PARN: variants seen among roughly 807,000 people sequenced by gnomAD.
The protein encoded by PARN is poly(A)-specific ribonuclease PARN.
A neutral mutation model predicts 102.8 loss-of-function variants in PARN; 71 were observed. That is an observed-to-expected ratio of 0.69 (90% confidence interval 0.57 to 0.84). The LOEUF is 0.84. PARN is among the 40% of genes least tolerant of loss of function. The pLI, the probability that PARN is intolerant of heterozygous loss-of-function variation, is 0.00. For missense variants in PARN, 782 were observed against 760.9 expected (o/e 1.03, Z -0.33); for synonymous variants, 261 against 252.9 (o/e 1.03, Z -0.30).
chr16:14,511,234 G>C (rs745488566), intron 21 of PARN, among the ~76,000 whole-genome samples: 4 of 152,138 alleles, frequency 2.6e-5, no homozygotes, highest in Admixed American at 6.5e-5. Context: ...GTTGACACAG[G>C]GTGATGAGTC....
At chr16:14,626,904 G>A (rs1338355566) in intron 5 of PARN, among the ~76,000 whole-genome samples, 3 of 151,982 alleles carry the variant, frequency 2.0e-5, no homozygotes, top group Admixed American at 6.6e-5. Context: ...GGCATGAGCC[G>A]CCGTACCTGG....
chr16:14,464,781 G>T (rs963774563), intron 22 of PARN, among the ~76,000 whole-genome samples: 4 of 151,832 alleles, frequency 2.6e-5, no homozygotes, highest in Non-Finnish European at 5.9e-5. Flanking sequence ...AAAAAAAAAG[G>T]TGAAATAAAG....
intron 20 of PARN, among the ~76,000 whole-genome samples, chr16:14,552,670 C>T (rs975853745): frequency 5.3e-5 from 8 of 152,024 alleles, no homozygotes; most frequent in South Asian, 2.1e-4. Flanking sequence ...TGTTAGAGGC[C>T]GGGCGCGGTG....
At chr16:14,629,013 A>T (rs1972856042) in intron 2 of PARN, among the ~76,000 whole-genome samples, 1 of 152,248 alleles carries the variant, frequency 6.6e-6, no homozygotes, top group Admixed American at 6.5e-5. Context: ...TTTATCTGCA[A>T]AAACCTGACC....
chr16:14,471,504 G>A (rs577463608), intron 22 of PARN, among the ~76,000 whole-genome samples: 1 of 152,234 alleles, frequency 6.6e-6, no homozygotes, highest in South Asian at 2.1e-4. Context: ...CAAGTTGTCT[G>A]AATCCCTTTA....
At chr16:14,486,900 T>C (rs1329848941) in intron 21 of PARN, among the ~76,000 whole-genome samples, 2 of 152,272 alleles carry the variant, frequency 1.3e-5, no homozygotes, top group African/African-American at 4.8e-5. Flanking sequence ...TCTATCGGTC[T>C]TGCCACTTTG....
At chr16:14,508,227 G>T (rs1964996532) in intron 21 of PARN, among the ~76,000 whole-genome samples, 1 of 151,956 alleles carries the variant, frequency 6.6e-6, no homozygotes, top group East Asian at 1.9e-4. Context: ...TAGATACATA[G>T]ATAAGACAGA....
At chr16:14,573,025 AC>A (rs1968903384) in intron 18 of PARN, among the ~76,000 whole-genome samples, 1 of 151,744 alleles carries the variant, frequency 6.6e-6, no homozygotes, top group South Asian at 2.1e-4. Flanking sequence ...AGTAGCTGGG[AC>A]TACAGGCATG....
At position 14,595,594 on chromosome 16, in the gene PARN, A is replaced by G. The variant is rs928132078; in HGVS notation, c.841-2216T>C. ...GTTGCCCAGGCTGGAGTGCGGTGGC[A>G]TAATCTCAGCTCACTGCAACCTCTG... On this transcript the variant is annotated intron_variant, in intron 12 of 23. Coordinates refer to ENST00000437198, the MANE Select transcript of PARN (RefSeq NM_002582.4). 7.9e-5 allele frequency among the ~76,000 whole-genome samples: 12 copies of G among 151,242 alleles called. No individual in the cohort carries two copies. In the East Asian group the frequency reaches 2.2e-3, roughly 27 times the overall value.
In PARN at chr16:14,480,940, A is replaced by AAAATAAATAAAT. The variant is rs34273832; in HGVS notation, c.1670+1686_1670+1697dup. Among the ~76,000 whole-genome samples the AAAATAAATAAAT allele has an allele frequency of 5.3e-3, 792 of 149,082 alleles. 4 individuals carry two copies. Among genetic ancestry groups the AAAATAAATAAAT allele is most frequent in the Admixed American group, 0.016 (236 of 14,878 alleles). On this transcript the variant is annotated intron_variant, in intron 22 of 23. Coordinates refer to ENST00000437198, the MANE Select transcript of PARN (RefSeq NM_002582.4). ...GGAAAAAGAGCAAGACCTGCCTCAAAAAATAAATAAATAAATAAATAAATA... is the reference window on the plus strand; with the variant it reads ...GGAAAAAGAGCAAGACCTGCCTCAAAAAATAAATAAATAAATAAATAAATAAATAAATAAATA...
At chr16:14,457,565 C>T (rs976363184) in intron 22 of PARN, among the ~76,000 whole-genome samples, 86 of 151,708 alleles carry the variant, frequency 5.7e-4, no homozygotes, top group African/African-American at 2.0e-3. Context: ...TTTGGGAGGC[C>T]GAGGTGGGCA....
intron 22 of PARN, among the ~76,000 whole-genome samples, chr16:14,476,544 G>C (rs1439322072): frequency 6.6e-6 from 1 of 152,142 alleles, no homozygotes; most frequent in African/African-American, 2.4e-5. Context: ...GTAAATGAAT[G>C]GGGGGCTGGG....
intron 18 of PARN, chr16:14,576,138 C>G (rs553417937): frequency 6.6e-6 from 1 of 152,366 alleles, no homozygotes; most frequent in Non-Finnish European, 1.5e-5. Context: ...TGGACCAATA[C>G]AGAAGGTGAA....
At chr16:14,629,772 G>C (rs1011807457) in intron 1 of PARN, 98 bp from the exon 2 acceptor site, 4 of 936,624 alleles carry the variant, frequency 4.3e-6, no homozygotes, top group Non-Finnish European at 7.0e-6. Flanking sequence ...CTGAGAGCCG[G>C]AAGGGGAAAA....
At chr16:14,462,700 T>A (rs1449871471) in intron 22 of PARN, among the ~76,000 whole-genome samples, 1 of 151,902 alleles carries the variant, frequency 6.6e-6, no homozygotes. Flanking sequence ...ATAAAAAGGA[T>A]CTTGAATAAA....
intron 21 of PARN, among the ~76,000 whole-genome samples, chr16:14,510,793 T>C (rs898319588): frequency 6.6e-6 from 1 of 152,214 alleles, no homozygotes; most frequent in African/African-American, 2.4e-5. Context: ...GTTTTGACTT[T>C]GCCATGCAGG....
chr16:14,601,751 C>T (rs538111486), intron 11 of PARN: 10 of 151,536 alleles, frequency 6.6e-5, no homozygotes, highest in Non-Finnish European at 1.5e-4. Flanking sequence ...GGCGAAACCC[C>T]GTCTCTACTA....
chr16:14,562,669 C>T (rs1395934215), intron 18 of PARN, among the ~76,000 whole-genome samples: 1 of 151,340 alleles, frequency 6.6e-6, no homozygotes, highest in East Asian at 1.9e-4. Flanking sequence ...AAAAAAATTA[C>T]TCAAACTACT....
At chr16:14,555,734 T>A (rs1967642731) in intron 18 of PARN, 25 bp from the exon 19 acceptor site, 4 of 1,280,946 alleles carry the variant, frequency 3.1e-6, no homozygotes, top group Non-Finnish European at 4.3e-6. Flanking sequence ...GACAAACAAG[T>A]AATGGGCAAT....
Sources: allele counts gnomAD v4.1 joint callset (sites outside exome capture counted in the v4.1 genomes callset), GRCh38; gene constraint gnomAD v4.1.1; transcripts MANE v1.5; gene names NCBI Gene and HGNC (gene_info 2026-07-23, HGNC 2026-07-21).